RPTOR: variants seen among roughly 807,000 people sequenced by gnomAD.
The protein encoded by RPTOR is regulatory associated protein of MTOR complex 1, also known as regulatory-associated protein of mTOR.
In RPTOR, 21 loss-of-function variants were observed where a neutral mutation model predicts 169.9. The observed-to-expected ratio is 0.12, with a 90% confidence interval of 0.09 to 0.18. The LOEUF is 0.18. Ranked by LOEUF, RPTOR falls within the 10% of genes least tolerant of loss-of-function variation. The pLI is 1.00. For synonymous variants in RPTOR, 732 were observed against 753.2 expected, an observed-to-expected ratio of 0.97 and a Z score of 0.46; for missense variants, 1,133 against 1,855.9, an observed-to-expected ratio of 0.61 and a Z score of 7.16.
intron 5 of RPTOR, chr17:80,743,472 C>G: frequency 1.0e-6 from 1 of 985,180 alleles, no homozygotes; most frequent in African/African-American, 1.7e-5. Flanking sequence ...ACACGTGACC[C>G]ACTTGTGTGG....
At chr17:80,684,908 C>G (rs916281138) in intron 3 of RPTOR, among the ~76,000 whole-genome samples, 2 of 152,162 alleles carry the variant, frequency 1.3e-5, no homozygotes, top group Non-Finnish European at 2.9e-5. Context: ...CACTTCATTA[C>G]GTGAGTCAAC....
At chr17:80,939,977 C>A (rs769646177) in intron 24 of RPTOR, among the ~76,000 whole-genome samples, 1 of 152,202 alleles carries the variant, frequency 6.6e-6, no homozygotes, top group Non-Finnish European at 1.5e-5. Context: ...GTGGAGAGCG[C>A]CTCTCCCAGC....
chr17:80,741,705 T>C (rs189358111), intron 5 of RPTOR, among the ~76,000 whole-genome samples: 2 of 152,326 alleles, frequency 1.3e-5, no homozygotes, highest in Non-Finnish European at 2.9e-5. Context: ...CTGGCTCTAC[T>C]TTCCTGAGAA....
Position 80,861,998 on chromosome 17 carries a change from G to C in RPTOR, c.1509+4098G>C, listed in dbSNP as rs916272402. Among the ~76,000 whole-genome samples, 15 of 152,164 alleles carry C rather than the reference G, an allele frequency of 9.9e-5. No individual in the cohort carries two copies. Among genetic ancestry groups the C allele is most frequent in the African/African-American group, 3.6e-4 (15 of 41,434 alleles). On this transcript the variant is annotated intron_variant, in intron 13 of 33. Transcript: ENST00000306801. The surrounding 1 kb of genome is among the most constrained non-coding windows in gnomAD (Gnocchi z 4.5). Reference sequence around the variant, plus strand: ...CTCCCAGGGCCTGTTGCTCTCGAGTGCCCCAAATGGCAGAACGTGGCCATG... The same window carrying C: ...CTCCCAGGGCCTGTTGCTCTCGAGTCCCCCAAATGGCAGAACGTGGCCATG...
At chr17:80,819,647 A>C (rs1313940748) in intron 7 of RPTOR, among the ~76,000 whole-genome samples, 1 of 152,218 alleles carries the variant, frequency 6.6e-6, no homozygotes. Context: ...CGACTTTTAC[A>C]TGTGGTAAAG....
chr17:80,737,803 TC>T (rs1567883256), intron 5 of RPTOR, among the ~76,000 whole-genome samples: 2 of 137,110 alleles, frequency 1.5e-5, no homozygotes, highest in Admixed American at 7.0e-5. Flanking sequence ...TCTCTTTTTC[TC>T]CCCCGCCCCC....
chr17:80,730,771 T>TGGGGGGGG lies in RPTOR; in HGVS notation c.654+68_654+69insGGGGGGGG. ...TTTTGTTTTCCCTGGGGGTGGGGTT[T>TGGGGGGGG]GGGTGGGGAGGTTGGGAGGTGTTGG... On this transcript the variant is annotated intron_variant, in intron 5 of 33. Coordinates refer to ENST00000306801, the MANE Select transcript of RPTOR (RefSeq NM_020761.3). The surrounding 1 kb of genome is among the most constrained non-coding windows in gnomAD (Gnocchi z 4.2). 1 of 479,858 alleles carries TGGGGGGGG rather than the reference T, an allele frequency of 2.1e-6. No homozygotes were observed. The highest frequency in any genetic ancestry group is 4.0e-6 in the Non-Finnish European group (1 of 250,640). The allele number at this position is 479,858 out of a possible 1,614,324, so 29.7% of individuals were successfully genotyped here. A position where few individuals can be genotyped will look rare whatever the true frequency, so the allele number is the denominator to read the frequency against.
intron 11 of RPTOR, among the ~76,000 whole-genome samples, chr17:80,851,901 C>A (rs2067797258): frequency 1.3e-5 from 2 of 152,304 alleles, no homozygotes; most frequent in East Asian, 3.9e-4. Flanking sequence ...TCCTTATTTA[C>A]AGTGTTGGAA....
At position 80,893,700 on chromosome 17, in the gene RPTOR, C is replaced by T. The variant is rs144610539; in HGVS notation, c.2243-7C>T. On this transcript the variant is annotated splice_region_variant and splice_polypyrimidine_tract_variant and intron_variant, in intron 19 of 33. Coordinates refer to ENST00000306801, the MANE Select transcript of RPTOR (RefSeq NM_020761.3). ...GCACCCCACTGACCCCGTTGCGTCTCGGGCAGCTGGTGGCGCGGTGGCGTT... is the reference window on the plus strand; with the variant it reads ...GCACCCCACTGACCCCGTTGCGTCTTGGGCAGCTGGTGGCGCGGTGGCGTT... 1.7e-4 allele frequency: 268 copies of T among 1,608,762 alleles called. 5 individuals carry two copies. The East Asian group carries it at 5.8e-3, about 35-fold the overall frequency.
At chr17:80,829,612 G>A (rs2067481326) in intron 9 of RPTOR, among the ~76,000 whole-genome samples, 1 of 152,194 alleles carries the variant, frequency 6.6e-6, no homozygotes, top group Non-Finnish European at 1.5e-5. Context: ...AGCCCTCGGT[G>A]CCTCGGCTCC....
At chr17:80,696,966 G>A (rs1021162937) in intron 3 of RPTOR, among the ~76,000 whole-genome samples, 6 of 152,140 alleles carry the variant, frequency 3.9e-5, no homozygotes, top group South Asian at 2.1e-4. Flanking sequence ...CAGCTCCGTC[G>A]CCCCCTGGCC....
At chr17:80,854,065 A>G (rs1312662860) in intron 11 of RPTOR, among the ~76,000 whole-genome samples, 1 of 152,200 alleles carries the variant, frequency 6.6e-6, no homozygotes, top group Non-Finnish European at 1.5e-5. Context: ...ACTTATAAAG[A>G]ACTCTGACAT....
chr17:80,663,460 ACT>A (rs142957299), intron 3 of RPTOR, among the ~76,000 whole-genome samples: 9,620 of 152,046 alleles, frequency 0.063, 1,017 homozygotes, highest in African/African-American at 0.22. Context: ...TTCCTCCAGC[ACT>A]CTGGAGACAT....
At chr17:80,832,068 C>T (rs546987936) in intron 9 of RPTOR, among the ~76,000 whole-genome samples, 2 of 152,310 alleles carry the variant, frequency 1.3e-5, no homozygotes, top group South Asian at 2.1e-4. Context: ...CAGGTGGATA[C>T]GGAGGGCATG....
At chr17:80,660,298 T>G in intron 3 of RPTOR, among the ~76,000 whole-genome samples, 1 of 148,590 alleles carries the variant, frequency 6.7e-6, no homozygotes, top group African/African-American at 2.5e-5. Flanking sequence ...GAATGATAAA[T>G]GAGAAACATG....
intron 11 of RPTOR, among the ~76,000 whole-genome samples, chr17:80,849,169 T>A (rs890414397): frequency 6.6e-6 from 1 of 152,244 alleles, no homozygotes; most frequent in African/African-American, 2.4e-5. Context: ...AAGCCTTTAT[T>A]TTTGCCAAAG....
At chr17:80,781,752 G>C (rs1482704577) in intron 6 of RPTOR, among the ~76,000 whole-genome samples, 1 of 152,220 alleles carries the variant, frequency 6.6e-6, no homozygotes, top group Admixed American at 6.5e-5. Context: ...TATTGCTATG[G>C]GAAGGCAAGA....
In RPTOR at chr17:80,594,412, G is replaced by A. The variant is rs867384727; in HGVS notation, c.163-31279G>A. Among the ~76,000 whole-genome samples the A allele has an allele frequency of 5.1e-4, 77 of 152,322 alleles. No homozygotes were observed. In the Middle Eastern group the frequency reaches 0.02, roughly 40 times the overall value. ...CGGCCGTGCAGTTCTTTAAACGTAG[G>A]AAATGACCTTTGAGTTTTGAGTTCG... On this transcript the variant is annotated intron_variant, in intron 1 of 33. Coordinates refer to ENST00000306801, the MANE Select transcript of RPTOR (RefSeq NM_020761.3).
chr17:80,896,955 G>A (rs2068413758), intron 20 of RPTOR, among the ~76,000 whole-genome samples: 2 of 152,066 alleles, frequency 1.3e-5, no homozygotes, highest in South Asian at 4.1e-4. Context: ...CCTGTTGCTG[G>A]CAAAAAAAGA....
Sources: allele counts gnomAD v4.1 joint callset (sites outside exome capture counted in the v4.1 genomes callset), GRCh38; gene constraint gnomAD v4.1.1; non-coding constraint Gnocchi (gnomAD v3.1); transcripts MANE v1.5; gene names NCBI Gene and HGNC (gene_info 2026-07-23, HGNC 2026-07-21).